SSBP3: variants seen among roughly 807,000 people sequenced by gnomAD.
SSBP3 encodes the protein single stranded DNA binding protein 3.
A neutral mutation model predicts 69.6 loss-of-function variants in SSBP3; 5 were observed. That is an observed-to-expected ratio of 0.07 (90% confidence interval 0.04 to 0.15). SSBP3 has a LOEUF of 0.15. Among genes scored for constraint, SSBP3 ranks in the 10% least tolerant of loss-of-function variants. The pLI is 1.00. For synonymous variants in SSBP3, 196 were observed against 193.4 expected (o/e 1.01, Z -0.11); for missense variants, 312 against 534.0 (o/e 0.58, Z 4.10).
chr1:54,288,464 T>G (rs1645532343), intron 4 of SSBP3, among the ~76,000 whole-genome samples: 1 of 152,098 alleles, frequency 6.6e-6, no homozygotes, highest in East Asian at 1.9e-4. Flanking sequence ...AGGGTGGTCT[T>G]GATACCTGAG....
In SSBP3 at chr1:54,258,026, C is replaced by T. The variant is rs369072368; in HGVS notation, c.447+43G>A. ...CTCTGCGGGCTCTCTGCTTCCTCCG[C>T]GCCCCGCGTCCCCGGCGGGCGGGAG... On this transcript the variant is annotated intron_variant, in intron 6 of 17. Transcript: ENST00000610401. This position sits in a 1 kb window ranked among gnomAD's most constrained non-coding sequence, Gnocchi z 4.5. The T allele has an allele frequency of 4.1e-3, 6,380 of 1,546,520 alleles. 19 individuals carry two copies. Among genetic ancestry groups the T allele is most frequent in the Middle Eastern group, 0.03 (134 of 4,462 alleles).
intron 4 of SSBP3, among the ~76,000 whole-genome samples, chr1:54,351,502 GCTCAGGAAGGTTATAAATGA>G (rs1267244449): frequency 6.6e-6 from 1 of 152,198 alleles, no homozygotes; most frequent in Admixed American, 6.5e-5. Flanking sequence ...TTCAAGTTAT[GCTCAGGAAGGTTATAAATGA>G]CTCCAGTCAC....
At chr1:54,409,988 C>T (rs563455748), upstream of SSBP3, among the ~76,000 whole-genome samples, 14 of 152,354 alleles carry the variant, frequency 9.2e-5, no homozygotes, top group East Asian at 1.9e-4. Context: ...CAGATCCCCC[C>T]TCTGAACTCC....
chr1:54,330,292 G>A (rs779757725), intron 4 of SSBP3, among the ~76,000 whole-genome samples: 1 of 152,174 alleles, frequency 6.6e-6, no homozygotes, highest in African/African-American at 2.4e-5. Context: ...GGGCACATGA[G>A]GACTGCTGGT....
At chr1:54,308,807 T>C (rs1645947536) in intron 4 of SSBP3, among the ~76,000 whole-genome samples, 1 of 152,050 alleles carries the variant, frequency 6.6e-6, no homozygotes, top group East Asian at 1.9e-4. Flanking sequence ...GGATAAGCCA[T>C]TGATCACCAA....
At chr1:54,276,708 G>A (rs1429638344) in intron 5 of SSBP3, among the ~76,000 whole-genome samples, 1 of 149,972 alleles carries the variant, frequency 6.7e-6, no homozygotes, top group African/African-American at 2.4e-5. Flanking sequence ...AACAACTGCA[G>A]AGTAACTGTT....
At chr1:54,288,969 G>A (rs1483808850) in intron 4 of SSBP3, among the ~76,000 whole-genome samples, 2 of 138,754 alleles carry the variant, frequency 1.4e-5, no homozygotes, top group Non-Finnish European at 1.5e-5. Context: ...GCAGTGAGCC[G>A]AGATCGTGCC....
chr1:54,235,918 C>T (rs1240249021), intron 14 of SSBP3, among the ~76,000 whole-genome samples: 1 of 152,168 alleles, frequency 6.6e-6, no homozygotes, highest in Non-Finnish European at 1.5e-5. Flanking sequence ...TTTAACTTGA[C>T]TGCCTTTTCT....
upstream of SSBP3, among the ~76,000 whole-genome samples, chr1:54,409,574 A>T (rs552081017): frequency 1.2e-4 from 18 of 152,176 alleles, no homozygotes; most frequent in South Asian, 1.0e-3. Context: ...AGGAATGGAT[A>T]CCACCAACAA....
chr1:54,242,043 C>T lies in SSBP3; in HGVS notation c.765+121G>A. 5 of 1,169,506 alleles carry T rather than the reference C, an allele frequency of 4.3e-6. No homozygotes were observed. The South Asian group carries it at 7.0e-5, about 16-fold the overall frequency. The allele number at this position is 1,169,506 out of a possible 1,614,324, so 72.4% of individuals were successfully genotyped here. On this transcript the variant is annotated intron_variant, in intron 11 of 17. Coordinates refer to ENST00000610401, the Ensembl canonical transcript of SSBP3. The stretch of plus-strand genomic sequence containing the variant: ...CTCCACACGGCCTTCTCCCTAGAAG[C>T]ATCAGGAGAGTCCTGCTGCATCTCC...
intron 4 of SSBP3, among the ~76,000 whole-genome samples, chr1:54,351,521 G>T (rs1014406322): frequency 1.3e-5 from 2 of 152,174 alleles, no homozygotes; most frequent in Non-Finnish European, 2.9e-5. Context: ...GGTTATAAAT[G>T]ACTCCAGTCA....
chr1:54,382,893 G>A (rs984141280), intron 4 of SSBP3, among the ~76,000 whole-genome samples: 1 of 150,122 alleles, frequency 6.7e-6, no homozygotes, highest in African/African-American at 2.5e-5. Context: ...GCTAAGGCAG[G>A]AGAATCACTT....
At position 54,316,657 on chromosome 1, in the gene SSBP3, AAATAAAATAAATAAAT is replaced by A. The variant is rs1275925142; in HGVS notation, c.277-35146_277-35131del. 2.0e-3 allele frequency among the ~76,000 whole-genome samples: 75 copies of A among 37,930 alleles called. 7 individuals are homozygous for A. Among genetic ancestry groups the A allele is most frequent in the Admixed American group, 7.3e-3 (21 of 2,884 alleles). 24.9% of individuals were successfully genotyped at this position (37,930 alleles called of 152,430 possible). A position where few individuals can be genotyped will look rare whatever the true frequency, so the allele number is the denominator to read the frequency against. ...AGCGAGACTCCGTCTCAAAAAAAAA[AAATAAAATAAATAAAT>A]AAATAAATAAATAAATAAATAAATA... On this transcript the variant is annotated intron_variant, in intron 4 of 17. Transcript: ENST00000610401.
intron 7 of SSBP3, among the ~76,000 whole-genome samples, chr1:54,253,173 T>TG (rs1237100999): frequency 2.9e-4 from 28 of 97,180 alleles, no homozygotes; most frequent in African/African-American, 9.8e-4. Context: ...TATTTGTTTT[T>TG]GTTTTTTTTT....
intron 4 of SSBP3, among the ~76,000 whole-genome samples, chr1:54,337,485 CTTTTTTTTTTTTTT>C (rs869039822): frequency 4.3e-4 from 22 of 51,168 alleles, no homozygotes; most frequent in African/African-American, 1.5e-3. Flanking sequence ...TTTCCTCAAG[CTTTTTTTTTTTTTT>C]TTTTTTTTTT....
At chr1:54,405,006 G>A (rs550316406) in intron 1 of SSBP3, 76 bp from the exon 2 acceptor site, 7 of 1,356,216 alleles carry the variant, frequency 5.2e-6, no homozygotes, top group Non-Finnish European at 7.3e-6. Flanking sequence ...GACCTTGCCA[G>A]CAGGCTTTGA....
At chr1:54,243,926 G>T (rs867989971) in intron 9 of SSBP3, among the ~76,000 whole-genome samples, 3 of 151,688 alleles carry the variant, frequency 2.0e-5, no homozygotes, top group African/African-American at 7.3e-5. Context: ...GTGTGTGTGA[G>T]TTTTTTTTTG....
chr1:54,270,333 A>C (rs1467614525), intron 5 of SSBP3, among the ~76,000 whole-genome samples: 1 of 152,164 alleles, frequency 6.6e-6, no homozygotes, highest in African/African-American at 2.4e-5. Context: ...TCCCAGACAC[A>C]CAACACCTGC....
intron 4 of SSBP3, among the ~76,000 whole-genome samples, chr1:54,296,168 A>C (rs1457699119): frequency 6.6e-6 from 1 of 152,214 alleles, no homozygotes; most frequent in African/African-American, 2.4e-5. Context: ...AGATTTTGGT[A>C]AGCCCAAATG....
Sources: gnomAD v4.1 joint callset for allele counts (sites outside exome capture counted in the v4.1 genomes callset) on GRCh38, gnomAD v4.1.1 for gene constraint, Gnocchi (gnomAD v3.1) non-coding constraint, MANE v1.5 for transcripts, NCBI Gene and HGNC (gene_info 2026-07-23, HGNC 2026-07-21) for gene names.